TBC1D30: variants seen among roughly 807,000 people sequenced by gnomAD.
The protein encoded by TBC1D30 is TBC1 domain family, member 30.
TBC1D30 carries 31 observed loss-of-function variants against 63.2 expected under a neutral mutation model. That is an observed-to-expected ratio of 0.49 (90% CI 0.37 to 0.66). The LOEUF is 0.66. TBC1D30 is among the 30% of genes least tolerant of loss of function. The pLI is 0.00. For synonymous variants in TBC1D30, 307 were observed against 361.5 expected (o/e 0.85, Z 1.71); for missense variants, 810 against 953.6 (o/e 0.85, Z 1.98).
chr12:64,872,478 G>A (rs116601238), intron 11 of TBC1D30, among the ~76,000 whole-genome samples: 111 of 152,264 alleles, frequency 7.3e-4, no homozygotes, highest in African/African-American at 2.6e-3. Flanking sequence ...GTTGATGGTG[G>A]TTCTCTTTAA....
intron 8 of TBC1D30, among the ~76,000 whole-genome samples, chr12:64,860,427 T>A (rs1341827661): frequency 6.6e-6 from 1 of 152,220 alleles, no homozygotes. Context: ...GTGTTGGGAT[T>A]ACAGGCATGA....
At chr12:64,857,760 T>C (rs1400133930) in intron 8 of TBC1D30, among the ~76,000 whole-genome samples, 2 of 152,238 alleles carry the variant, frequency 1.3e-5, no homozygotes, top group Admixed American at 6.5e-5. Flanking sequence ...GCTGAGGAAC[T>C]CGAGTTCCAA....
At chr12:64,798,430 T>C (rs548968989) in intron 2 of TBC1D30, among the ~76,000 whole-genome samples, 2 of 152,322 alleles carry the variant, frequency 1.3e-5, no homozygotes, top group Non-Finnish European at 2.9e-5. Context: ...GACATTCCAA[T>C]GAGTCTTACA....
intron 9 of TBC1D30, among the ~76,000 whole-genome samples, chr12:64,866,201 C>T (rs1365336100): frequency 6.6e-6 from 1 of 151,924 alleles, no homozygotes; most frequent in African/African-American, 2.4e-5. Flanking sequence ...AGGCAAGATG[C>T]AGAAGAGCAT....
chr12:64,760,781 A>G (rs1005792707), intron 1 of TBC1D30, among the ~76,000 whole-genome samples: 3 of 151,968 alleles, frequency 2.0e-5, no homozygotes, highest in Non-Finnish European at 2.9e-5. Flanking sequence ...GGTAAAAATA[A>G]TGATGGAAAC....
At chr12:64,815,424 T>TTA (rs1468289575) in intron 2 of TBC1D30, among the ~76,000 whole-genome samples, 2 of 152,226 alleles carry the variant, frequency 1.3e-5, no homozygotes, top group Non-Finnish European at 2.9e-5. Context: ...GAAGCAGGAA[T>TTA]TATGAAGTTT....
At chr12:64,841,280 G>T (rs1041750477) in intron 7 of TBC1D30, among the ~76,000 whole-genome samples, 2 of 152,058 alleles carry the variant, frequency 1.3e-5, no homozygotes, top group Admixed American at 6.5e-5. Flanking sequence ...TCTACCTTTC[G>T]CTCACCCCAA....
rs1033354195 is a variant in TBC1D30, at chr12:64,765,851, C to A, written c.-376+6202C>A. On this transcript the variant is annotated intron_variant, in intron 1 of 13. Coordinates refer to the TBC1D30 transcript ENST00000674237. The stretch of plus-strand genomic sequence containing the variant: ...CCTCTACAAAAAAAAAAAAAAAATA[C>A]AATACACAAAATTAGCTGGGCTTGG... 3.4e-4 allele frequency among the ~76,000 whole-genome samples: 42 copies of A among 121,742 alleles called. 1 individual carries two copies. Among genetic ancestry groups the A allele is most frequent in the African/African-American group, 1.1e-3 (33 of 28,754 alleles). 79.9% of individuals were successfully genotyped at this position (121,742 alleles called of 152,430 possible).
intron 2 of TBC1D30, among the ~76,000 whole-genome samples, chr12:64,801,505 A>C (rs1311142365): frequency 6.6e-6 from 1 of 152,212 alleles, no homozygotes; most frequent in Admixed American, 6.5e-5. Flanking sequence ...GGAGTTTCTT[A>C]GTTCATAAAC....
intron 2 of TBC1D30, among the ~76,000 whole-genome samples, chr12:64,811,390 T>C (rs559353261): frequency 2.0e-5 from 3 of 152,338 alleles, no homozygotes; most frequent in Non-Finnish European, 2.9e-5. Flanking sequence ...ACATTTTCTC[T>C]CTATGGAGAG....
chr12:64,767,799 G>GGGGGGGGGGGGGGGT (rs1870772258), intron 1 of TBC1D30, among the ~76,000 whole-genome samples: 1 of 25,298 alleles, frequency 4.0e-5, no homozygotes, highest in Non-Finnish European at 8.4e-5. Flanking sequence ...GGGGGGGGGG[G>GGGGGGGGGGGGGGGT]GAGGGGGGGG....
At chr12:64,855,740 T>C (rs1292165626) in intron 8 of TBC1D30, among the ~76,000 whole-genome samples, 1 of 152,236 alleles carries the variant, frequency 6.6e-6, no homozygotes, top group African/African-American at 2.4e-5. Flanking sequence ...CTTGAATTTC[T>C]TTTGAATTCT....
At chr12:64,842,775 C>T (rs1355326620) in intron 7 of TBC1D30, among the ~76,000 whole-genome samples, 2 of 152,050 alleles carry the variant, frequency 1.3e-5, no homozygotes, top group Non-Finnish European at 2.9e-5. Flanking sequence ...TGCTTTCTAA[C>T]GAGTGGTGGG....
intron 1 of TBC1D30, among the ~76,000 whole-genome samples, chr12:64,826,491 A>G (rs1166945016): frequency 6.6e-6 from 1 of 152,122 alleles, no homozygotes; most frequent in Non-Finnish European, 1.5e-5. Context: ...TCATGATTAT[A>G]CGCTCCTCCA....
chr12:64,859,120 C>T (rs951745152), intron 8 of TBC1D30, among the ~76,000 whole-genome samples: 30 of 150,700 alleles, frequency 2.0e-4, no homozygotes, highest in Non-Finnish European at 8.9e-5. Context: ...CACATATATG[C>T]GAGGGTGTTG....
intron 1 of TBC1D30, among the ~76,000 whole-genome samples, chr12:64,766,241 C>T (rs1870711072): frequency 6.6e-6 from 1 of 152,114 alleles, no homozygotes; most frequent in Non-Finnish European, 1.5e-5. Flanking sequence ...ATTTACATAA[C>T]TGGAATTCCA....
chr12:64,835,907 TA>T (rs1166149626), intron 5 of TBC1D30, among the ~76,000 whole-genome samples: 8 of 152,192 alleles, frequency 5.3e-5, no homozygotes, highest in African/African-American at 1.9e-4. Flanking sequence ...GAAGAACCTC[TA>T]TAACAACCTT....
At chr12:64,761,537 G>A (rs552311480) in intron 1 of TBC1D30, among the ~76,000 whole-genome samples, 18 of 152,114 alleles carry the variant, frequency 1.2e-4, no homozygotes, top group Non-Finnish European at 2.4e-4. Context: ...TAAAGAAGCC[G>A]ACTAAAACCC....
intron 2 of TBC1D30, among the ~76,000 whole-genome samples, chr12:64,793,857 C>T (rs1872091387): frequency 6.6e-6 from 1 of 152,192 alleles, no homozygotes; most frequent in South Asian, 2.1e-4. Flanking sequence ...GCACTGCCAT[C>T]CTGGGAGCCT....
Sources: allele counts gnomAD v4.1 joint callset (sites outside exome capture counted in the v4.1 genomes callset), GRCh38; gene constraint gnomAD v4.1.1; transcripts MANE v1.5; gene names NCBI Gene and HGNC (gene_info 2026-07-23, HGNC 2026-07-21).